EYA2: variants seen among roughly 807,000 people sequenced by gnomAD.
The protein encoded by EYA2 is protein phosphatase EYA2.
A neutral mutation model predicts 69.2 loss-of-function variants in EYA2; 31 were observed. That is an observed-to-expected ratio of 0.45 (90% CI 0.34 to 0.60). EYA2 has a LOEUF of 0.60. Among genes scored for constraint, EYA2 ranks in the 20% least tolerant of loss-of-function variants. The probability of loss-of-function intolerance (pLI) is 0.02; values close to 1 mark genes in which losing one functional copy is unlikely to be tolerated. For missense variants in EYA2, 622 were observed against 701.2 expected (o/e 0.89, Z 1.28); for synonymous variants, 257 against 279.4 (o/e 0.92, Z 0.80).
At chr20:47,067,385 G>T (rs958109329) in intron 5 of EYA2, among the ~76,000 whole-genome samples, 3 of 152,024 alleles carry the variant, frequency 2.0e-5, no homozygotes, top group African/African-American at 7.2e-5. Context: ...GATAGAGTGG[G>T]ATTTTGTTGA....
At chr20:47,022,031 G>A (rs1355556231) in intron 5 of EYA2, among the ~76,000 whole-genome samples, 5 of 152,154 alleles carry the variant, frequency 3.3e-5, no homozygotes, top group South Asian at 2.1e-4. Context: ...TACCAAATAC[G>A]TTTAGTCAAT....
intron 4 of EYA2, among the ~76,000 whole-genome samples, chr20:47,011,546 C>G (rs1983057058): frequency 6.6e-6 from 1 of 152,174 alleles, no homozygotes; most frequent in African/African-American, 2.4e-5. Flanking sequence ...CACTGGCCTC[C>G]TTGCTGTTAG....
chr20:46,987,087 T>A (rs1981279636), intron 1 of EYA2, among the ~76,000 whole-genome samples: 1 of 152,226 alleles, frequency 6.6e-6, no homozygotes, highest in Admixed American at 6.5e-5. Context: ...CCCAGCATCC[T>A]GCTTAACTGA....
intron 5 of EYA2, among the ~76,000 whole-genome samples, chr20:47,060,690 C>T (rs537545837): frequency 5.4e-4 from 83 of 152,338 alleles, no homozygotes; most frequent in African/African-American, 1.9e-3. Flanking sequence ...CCCTGTTGCT[C>T]CCCAGCACTG....
intron 10 of EYA2, chr20:47,161,217 C>G: frequency 2.1e-6 from 1 of 482,962 alleles, no homozygotes; most frequent in Non-Finnish European, 3.8e-6. Context: ...ATCTTGCTCC[C>G]CCAGTAGCCT....
intron 1 of EYA2, chr20:46,978,307 T>C: frequency 3.4e-6 from 1 of 295,678 alleles, no homozygotes; most frequent in Non-Finnish European, 6.7e-6. Flanking sequence ...CACAAACACC[T>C]GTAAAAACTG....
intron 5 of EYA2, among the ~76,000 whole-genome samples, chr20:47,026,875 T>C (rs1229505244): frequency 6.6e-6 from 1 of 152,236 alleles, no homozygotes; most frequent in Non-Finnish European, 1.5e-5. Flanking sequence ...TCCCTAAAAC[T>C]CTATTTAATG....
intron 9 of EYA2, among the ~76,000 whole-genome samples, chr20:47,130,375 C>T (rs2146576062): frequency 6.7e-6 from 1 of 148,530 alleles, no homozygotes; most frequent in East Asian, 2.0e-4. Context: ...CGCCATTCTC[C>T]TGCCTCAGCC....
At chr20:47,058,459 G>A (rs865975042) in intron 5 of EYA2, among the ~76,000 whole-genome samples, 25 of 152,306 alleles carry the variant, frequency 1.6e-4, no homozygotes, top group Middle Eastern at 6.8e-3. Context: ...GGATGGGTGC[G>A]AGGGCGTTTA....
chr20:47,093,482 T>C lies in EYA2; in HGVS notation c.805-3603T>C, dbSNP rs566173996. Among the ~76,000 whole-genome samples, 116 of 152,402 alleles carry C rather than the reference T, an allele frequency of 7.6e-4. 2 individuals are homozygous for C. The highest frequency in any genetic ancestry group is 3.5e-3 in the South Asian group (17 of 4,834). On this transcript the variant is annotated intron_variant, in intron 8 of 15. Coordinates refer to ENST00000327619, the MANE Select transcript of EYA2 (RefSeq NM_005244.5). ...CTTTATCTCGGCTGTCTGCTTCAGC[T>C]CTGCGGCTCCTGCTGCCCTGACAGC...
Position 47,074,168 on chromosome 20 carries a change from C to G in EYA2, c.494C>G (p.Ser165Cys). The change falls in exon 7 of 16, where the codon TCC becomes TGC. Residue 165 changes from serine to cysteine, a missense_variant. Ser to Cys is a moderately radical substitution (Grantham distance 112). Around this residue, in one of 2 missense-constraint regions of EYA2, gnomAD observed 365 missense variants for 349.7 expected, o/e 1.04. Transcript: ENST00000327619. The stretch of plus-strand genomic sequence containing the variant: ...TTTTTCTCTTCCCAGGACTATCCTT[C>G]CTACCCCGGCTTCCCCCAGAGCCAG... ...GFGSVHQDYP[S>C]YPGFPQSQYP... The G allele has an allele frequency of 6.2e-7, 1 of 1,611,674 alleles. No individual in the cohort carries two copies. Among genetic ancestry groups the G allele is most frequent in the African/African-American group, 1.3e-5 (1 of 75,002 alleles).
intron 5 of EYA2, among the ~76,000 whole-genome samples, chr20:47,066,475 G>A (rs886083290): frequency 6.6e-6 from 1 of 152,182 alleles, no homozygotes; most frequent in Admixed American, 6.5e-5. Flanking sequence ...AGAAAGAAGG[G>A]TATTTCTCTC....
intron 9 of EYA2, among the ~76,000 whole-genome samples, chr20:47,115,737 A>G (rs2032872148): frequency 6.6e-6 from 1 of 152,188 alleles, no homozygotes; most frequent in Admixed American, 6.5e-5. Context: ...TCAAGAGGCA[A>G]ATGGGATTGT....
chr20:46,940,057 A>G (rs1199062096), intron 1 of EYA2, among the ~76,000 whole-genome samples: 1 of 152,162 alleles, frequency 6.6e-6, no homozygotes, highest in Non-Finnish European at 1.5e-5. Context: ...TCTTGCAAAG[A>G]TACACAAGAA....
chr20:47,148,813 G>C (rs1398278058), intron 10 of EYA2, among the ~76,000 whole-genome samples: 1 of 152,186 alleles, frequency 6.6e-6, no homozygotes, highest in Non-Finnish European at 1.5e-5. Context: ...CCACTCTACT[G>C]CACTCACTCT....
Position 46,924,669 on chromosome 20 carries a change from C to CAAAAA in EYA2, c.-11+29702_-11+29706dup, listed in dbSNP as rs10568771. 2.7e-3 allele frequency among the ~76,000 whole-genome samples: 242 copies of CAAAAA among 88,300 alleles called. 11 individuals are homozygous for CAAAAA. The highest frequency in any genetic ancestry group is 3.4e-3 in the Non-Finnish European group (161 of 46,716). 57.9% of individuals were successfully genotyped at this position (88,300 alleles called of 152,430 possible). The stretch of plus-strand genomic sequence containing the variant: ...TGGCCAATAGAGCGAGACTCCATCT[C>CAAAAA]AAAAAAAAAAAAAAAAAAAAAAAAG... On this transcript the variant is annotated intron_variant, in intron 1 of 15. Coordinates refer to ENST00000327619, the MANE Select transcript of EYA2 (RefSeq NM_005244.5).
At chr20:46,945,818 C>T (rs1238857908) in intron 1 of EYA2, among the ~76,000 whole-genome samples, 3 of 152,196 alleles carry the variant, frequency 2.0e-5, no homozygotes, top group African/African-American at 7.2e-5. Context: ...GCTTTTCAGA[C>T]CTTCTGCGGC....
intron 5 of EYA2, among the ~76,000 whole-genome samples, chr20:47,035,495 G>A (rs1047538231): frequency 2.0e-5 from 3 of 151,964 alleles, no homozygotes; most frequent in Non-Finnish European, 2.9e-5. Flanking sequence ...GCCACCACCC[G>A]CCACCCCTTC....
intron 10 of EYA2, among the ~76,000 whole-genome samples, chr20:47,146,599 A>T (rs2146605100): frequency 6.6e-6 from 1 of 152,372 alleles, no homozygotes; most frequent in Admixed American, 6.5e-5. Context: ...TGAAGTTAAA[A>T]TCCACACAAG....
Sources: allele counts gnomAD v4.1 joint callset (sites outside exome capture counted in the v4.1 genomes callset), GRCh38; gene constraint gnomAD v4.1.1; regional missense constraint gnomAD v4.1.1; transcripts MANE v1.5; gene names NCBI Gene and HGNC (gene_info 2026-07-23, HGNC 2026-07-21).